Variants in CHD7 observed in about 807,000 individuals in gnomAD.
CHD7 encodes chromodomain helicase DNA binding protein 7, also known as ATP-dependent chromatin remodeler CHD7.
CHD7 carries 24 observed loss-of-function variants against 307.3 expected under a neutral mutation model. The ratio of observed to expected loss-of-function variants is 0.08; its 90% CI spans 0.06 to 0.11. The LOEUF (loss-of-function observed/expected upper bound fraction) is 0.11, where lower values mean the gene tolerates loss of function less well. Among genes scored for constraint, CHD7 ranks in the 10% least tolerant of loss-of-function variants. The probability of loss-of-function intolerance (pLI) is 1.00; values close to 1 mark genes in which losing one functional copy is unlikely to be tolerated. For synonymous variants in CHD7, 1,363 were observed against 1,349.9 expected, an observed-to-expected ratio of 1.01 and a Z score of -0.21; for missense variants, 3,106 against 3,727.1, an observed-to-expected ratio of 0.83 and a Z score of 4.34.
intron 6 of CHD7, among the ~76,000 whole-genome samples, chr8:60,802,761 T>G (rs1812370427): frequency 6.6e-6 from 1 of 152,202 alleles, no homozygotes; most frequent in African/African-American, 2.4e-5. Context: ...GATCCCAGGC[T>G]TATCAAATAG....
chr8:60,802,767 A>C (rs1322327054), intron 6 of CHD7, among the ~76,000 whole-genome samples: 1 of 152,218 alleles, frequency 6.6e-6, no homozygotes, highest in Non-Finnish European at 1.5e-5. Flanking sequence ...AGGCTTATCA[A>C]ATAGGAAACC....
chr8:60,752,938 A>G (rs748321994), intron 2 of CHD7, among the ~76,000 whole-genome samples: 3 of 152,248 alleles, frequency 2.0e-5, no homozygotes, highest in African/African-American at 4.8e-5. Context: ...CTGTAAATCT[A>G]TAGATAATAT....
At chr8:60,708,977 G>A (rs949825450) in intron 1 of CHD7, among the ~76,000 whole-genome samples, 1 of 152,162 alleles carries the variant, frequency 6.6e-6, no homozygotes, top group Non-Finnish European at 1.5e-5. Context: ...CTGTGGAGAC[G>A]TTGCTGGCCC....
intron 2 of CHD7, among the ~76,000 whole-genome samples, chr8:60,753,988 G>T (rs1682171386): frequency 6.6e-6 from 1 of 152,070 alleles, no homozygotes; most frequent in African/African-American, 2.4e-5. Context: ...ATGCTAGAGT[G>T]GTATTTCATA....
chr8:60,811,878 G>T (rs1201744090), intron 7 of CHD7, among the ~76,000 whole-genome samples: 2 of 152,118 alleles, frequency 1.3e-5, no homozygotes, highest in East Asian at 1.9e-4. Context: ...GTAAGAAATT[G>T]TATTTCAGTT....
At chr8:60,705,314 C>G (rs541538693) in intron 1 of CHD7, among the ~76,000 whole-genome samples, 3 of 152,318 alleles carry the variant, frequency 2.0e-5, no homozygotes, top group South Asian at 2.1e-4. Flanking sequence ...CCTATTTTCT[C>G]TGCAAAGTAG....
chr8:60,834,893 C>T (rs1804672981), intron 15 of CHD7, among the ~76,000 whole-genome samples: 1 of 152,194 alleles, frequency 6.6e-6, no homozygotes, highest in African/African-American at 2.4e-5. Context: ...GGTTGTCTGT[C>T]CCACTGACCC....
chr8:60,744,327 AAGG>A (rs1809209234), intron 2 of CHD7, among the ~76,000 whole-genome samples: 1 of 152,032 alleles, frequency 6.6e-6, no homozygotes, highest in South Asian at 2.1e-4. Context: ...ACAGATGGAG[AAGG>A]AGAAGATGAA....
chr8:60,812,818 T>A (rs778561718), intron 7 of CHD7, among the ~76,000 whole-genome samples: 7 of 152,086 alleles, frequency 4.6e-5, no homozygotes, highest in Admixed American at 1.3e-4. Flanking sequence ...TATAAGCCAG[T>A]ACCACACTGC....
intron 1 of CHD7, among the ~76,000 whole-genome samples, chr8:60,714,855 T>C (rs750701089): frequency 6.6e-6 from 1 of 152,202 alleles, no homozygotes; most frequent in Non-Finnish European, 1.5e-5. Flanking sequence ...GAAAAGGGGA[T>C]GGTAATGCCT....
chr8:60,755,858 T>G (rs576212410), intron 2 of CHD7, among the ~76,000 whole-genome samples: 1 of 152,220 alleles, frequency 6.6e-6, no homozygotes, highest in Non-Finnish European at 1.5e-5. Flanking sequence ...CAAGTTATTT[T>G]TTAAAGAAGG....
Position 60,866,055 on chromosome 8 carries a change from A to C in CHD7, c.*122A>C. 2.2e-6 allele frequency: 2 copies of C among 900,836 alleles called. No individual in the cohort carries two copies. Among genetic ancestry groups the C allele is most frequent in the Non-Finnish European group, 1.7e-6 (1 of 595,740 alleles). The allele number at this position is 900,836 out of a possible 1,614,324, so 55.8% of individuals were successfully genotyped here. A position where few individuals can be genotyped will look rare whatever the true frequency, so the allele number is the denominator to read the frequency against. ...TGTTCTGTAACATAGTGTAGCAAAAAAAAAAGTTCAAGTCATGTTATACAG... is the reference window on the plus strand; with the variant it reads ...TGTTCTGTAACATAGTGTAGCAAAACAAAAAGTTCAAGTCATGTTATACAG... On this transcript the variant is annotated 3_prime_UTR_variant, in exon 38 of 38. Coordinates refer to ENST00000423902, the MANE Select transcript of CHD7 (RefSeq NM_017780.4).
chr8:60,785,307 T>C (rs1811441863), intron 3 of CHD7, among the ~76,000 whole-genome samples: 1 of 152,234 alleles, frequency 6.6e-6, no homozygotes, highest in Non-Finnish European at 1.5e-5. Context: ...GCTAATGCAG[T>C]TTCTAGGAAT....
chr8:60,803,095 G>C (rs1428121625), intron 6 of CHD7, among the ~76,000 whole-genome samples: 1 of 152,068 alleles, frequency 6.6e-6, no homozygotes, highest in African/African-American at 2.4e-5. Context: ...CTCATTAGAA[G>C]GTTGCATTTT....
intron 2 of CHD7, among the ~76,000 whole-genome samples, chr8:60,755,811 G>A (rs1040952608): frequency 3.3e-5 from 5 of 152,192 alleles, no homozygotes; most frequent in East Asian, 1.9e-4. Context: ...AAATATAACC[G>A]TGTACTGAAA....
At chr8:60,825,644 C>G (rs1357671132) in intron 13 of CHD7, among the ~76,000 whole-genome samples, 1 of 152,230 alleles carries the variant, frequency 6.6e-6, no homozygotes, top group Non-Finnish European at 1.5e-5. Context: ...GATCCACCTT[C>G]ATAGTTTTCT....
At chr8:60,853,608 C>T in intron 31 of CHD7, 108 bp downstream of exon 31, 1 of 863,632 alleles carries the variant, frequency 1.2e-6, no homozygotes. Flanking sequence ...ACTTAGTGTA[C>T]ATTTTCTTCT....
intron 7 of CHD7, among the ~76,000 whole-genome samples, chr8:60,810,234 T>C (rs1812732243): frequency 6.6e-6 from 1 of 151,826 alleles, no homozygotes; most frequent in Non-Finnish European, 1.5e-5. Context: ...AGTTATGGAG[T>C]CAGTTACTTC....
rs1241104769 is a variant in CHD7 at position 60,865,051 on chromosome 8, C to T, written c.8112C>T (p.Leu2704=). Residue 2704 remains leucine (L), a synonymous_variant, in exon 38 of 38, where the codon CTC becomes CTT. Transcript: ENST00000423902. This position sits in a 1 kb window ranked among gnomAD's most constrained non-coding sequence, Gnocchi z 4.3. The part of the protein sequence containing the change: ...FVPESMFDRL[L]TGPVVRGEGA... The stretch of plus-strand genomic sequence containing the variant: ...CTGAGTCGATGTTTGACCGCCTTCT[C>T]ACTGGGCCTGTAGTGCGGGGAGAGG... 2 of 1,607,764 alleles carry T rather than the reference C, an allele frequency of 1.2e-6. No homozygotes were observed. Among genetic ancestry groups the T allele is most frequent in the African/African-American group, 1.3e-5 (1 of 74,854 alleles).
Sources: gnomAD v4.1 joint callset for allele counts (sites outside exome capture counted in the v4.1 genomes callset) on GRCh38, gnomAD v4.1.1 for gene constraint, Gnocchi (gnomAD v3.1) non-coding constraint, MANE v1.5 for transcripts, NCBI Gene and HGNC (gene_info 2026-07-23, HGNC 2026-07-21) for gene names.